The following AK9 variants were observed in gnomAD, a reference collection of about 807,000 sequenced individuals.
AK9 encodes adenylate kinase domain containing 1.
A neutral mutation model predicts 239.6 loss-of-function variants in AK9; 191 were observed. The ratio of observed to expected loss-of-function variants is 0.80; its 90% CI spans 0.71 to 0.90. AK9 has a LOEUF of 0.90. Among genes scored for constraint, AK9 ranks in the 40% least tolerant of loss-of-function variants. The pLI is 0.00. For synonymous variants in AK9, 689 were observed against 721.0 expected (o/e 0.96, Z 0.71); for missense variants, 1,995 against 2,214.7 (o/e 0.90, Z 1.99).
chr6:109,548,469 G>A (rs1783892635), intron 25 of AK9, among the ~76,000 whole-genome samples: 2 of 152,160 alleles, frequency 1.3e-5, no homozygotes, highest in Admixed American at 6.5e-5. Context: ...ATGCCCCAAA[G>A]AGATCAGCAG....
chr6:109,642,355 A>G (rs996306696), intron 9 of AK9, among the ~76,000 whole-genome samples: 15 of 152,234 alleles, frequency 9.9e-5, no homozygotes, highest in Non-Finnish European at 1.8e-4. Flanking sequence ...ATAGTGAGAT[A>G]GCCAAAATCC....
chr6:109,563,998 T>C, intron 23 of AK9, 82 bp downstream of exon 23: 2 of 1,330,876 alleles, frequency 1.5e-6, no homozygotes, highest in Non-Finnish European at 2.0e-6. Context: ...TCATAAACCA[T>C]CAAAGAAGGC....
At chr6:109,512,940 T>C (rs951354464) in intron 32 of AK9, among the ~76,000 whole-genome samples, 2 of 152,252 alleles carry the variant, frequency 1.3e-5, no homozygotes, top group African/African-American at 4.8e-5. Context: ...CATGGCTCAC[T>C]GTAGCCTCAA....
intron 29 of AK9, among the ~76,000 whole-genome samples, chr6:109,523,476 C>T (rs922209490): frequency 6.6e-6 from 1 of 152,170 alleles, no homozygotes; most frequent in Non-Finnish European, 1.5e-5. Context: ...ACACTCCTCT[C>T]TCTCTATTAT....
At chr6:109,689,427 T>A (rs1167117069) in intron 1 of AK9, among the ~76,000 whole-genome samples, 1 of 152,238 alleles carries the variant, frequency 6.6e-6, no homozygotes, top group Non-Finnish European at 1.5e-5. Context: ...AAGGGCTTTC[T>A]CTGGCTGCCA....
At chr6:109,555,919 T>G (rs1311213341) in intron 24 of AK9, among the ~76,000 whole-genome samples, 1 of 152,116 alleles carries the variant, frequency 6.6e-6, no homozygotes, top group Non-Finnish European at 1.5e-5. Flanking sequence ...GTGAGATGAG[T>G]CTCTTGAAGA....
At chr6:109,682,034 G>A (rs1050117912) in intron 1 of AK9, among the ~76,000 whole-genome samples, 4 of 152,126 alleles carry the variant, frequency 2.6e-5, no homozygotes, top group Non-Finnish European at 5.9e-5. Flanking sequence ...AAGAACTAGA[G>A]AAGCAACAGT....
At chr6:109,645,624 G>C (rs1365270557) in intron 8 of AK9, among the ~76,000 whole-genome samples, 1 of 152,176 alleles carries the variant, frequency 6.6e-6, no homozygotes, top group East Asian at 1.9e-4. Context: ...CCACCTCTGG[G>C]GGCAGGGCAT....
At chr6:109,663,074 CAT>C (rs1407811728) in intron 5 of AK9, among the ~76,000 whole-genome samples, 2 of 151,928 alleles carry the variant, frequency 1.3e-5, no homozygotes, top group African/African-American at 2.4e-5. Context: ...TATAGTAGAA[CAT>C]GTGTGTATAA....
At chr6:109,671,202 A>T (rs1260983165) in intron 5 of AK9, among the ~76,000 whole-genome samples, 2 of 152,182 alleles carry the variant, frequency 1.3e-5, no homozygotes, top group Non-Finnish European at 2.9e-5. Flanking sequence ...TAATAGTTAC[A>T]ATGTCTTCTT....
At chr6:109,678,079 G>A (rs1267442043) in intron 1 of AK9, among the ~76,000 whole-genome samples, 1 of 152,008 alleles carries the variant, frequency 6.6e-6, no homozygotes, top group Non-Finnish European at 1.5e-5. Flanking sequence ...TCAAAGAAAA[G>A]GAAATTAATG....
rs76535272 is a variant in AK9, at chr6:109,609,150, T to G, written c.1842+1215A>C. On this transcript the variant is annotated intron_variant, in intron 17 of 40. Coordinates refer to ENST00000424296, the MANE Select transcript of AK9 (RefSeq NM_001145128.3). ...ATATTCCTATATCAGAAGTGTAGGA[T>G]TCCTTGTAGATTTATATGCTCCAGA... Among the ~76,000 whole-genome samples, 112 of 152,316 alleles carry G rather than the reference T, an allele frequency of 7.4e-4. 1 individual carries two copies. The East Asian group carries it at 0.02, about 27-fold the overall frequency.
At chr6:109,592,691 C>T (rs1161539558) in intron 17 of AK9, among the ~76,000 whole-genome samples, 1 of 152,038 alleles carries the variant, frequency 6.6e-6, no homozygotes, top group Non-Finnish European at 1.5e-5. Context: ...CATGATCCGC[C>T]CGCCTCGGCC....
At chr6:109,600,528 T>C (rs1335808249) in intron 17 of AK9, among the ~76,000 whole-genome samples, 1 of 152,126 alleles carries the variant, frequency 6.6e-6, no homozygotes, top group African/African-American at 2.4e-5. Context: ...GGGATATTGG[T>C]CTACAATTCT....
chr6:109,543,585 T>A (rs761699729), intron 26 of AK9, among the ~76,000 whole-genome samples: 1 of 151,914 alleles, frequency 6.6e-6, no homozygotes, highest in African/African-American at 2.4e-5. Flanking sequence ...GTAGCTGGCA[T>A]TACAGGCATG....
intron 1 of AK9, among the ~76,000 whole-genome samples, chr6:109,683,525 T>C (rs1385441602): frequency 1.3e-5 from 2 of 152,158 alleles, no homozygotes; most frequent in Admixed American, 1.3e-4. Flanking sequence ...AAAATCTCCT[T>C]AAGCTGATAA....
At chr6:109,657,029 T>G (rs1799784629) in intron 7 of AK9, 145 bp from the exon 8 acceptor site, 1 of 924,256 alleles carries the variant, frequency 1.1e-6, no homozygotes. Context: ...GATTTTTATT[T>G]AAGAGAATGG....
intron 24 of AK9, among the ~76,000 whole-genome samples, chr6:109,555,700 G>C (rs1186854593): frequency 1.3e-5 from 2 of 152,138 alleles, no homozygotes; most frequent in African/African-American, 4.8e-5. Flanking sequence ...CTTGTATTGG[G>C]TGCATATATG....
In AK9 at chr6:109,610,366, T is replaced by C; in HGVS notation, c.1841A>G (p.Glu614Gly). ...HAEILQEVLG[E>G]VMEENKDRFP... ...GAATTGCCCAGCTAGATTTTTTACC[T>C]CTCCAAGGACTTCCTGTAAGATTTC... The change falls in exon 17 of 41, where the codon GAG becomes GGG. Residue 614 changes from glutamate (E) to glycine (G), a missense_variant and splice_region_variant. By Grantham distance (98) the Glu-to-Gly change is moderately conservative. Coordinates refer to ENST00000424296, the MANE Select transcript of AK9 (RefSeq NM_001145128.3). 5.2e-6 allele frequency: 8 copies of C among 1,551,238 alleles called. No individual in the cohort carries two copies. The highest frequency in any genetic ancestry group is 5.2e-6 in the Non-Finnish European group (6 of 1,146,756).
Sources: allele counts gnomAD v4.1 joint callset (sites outside exome capture counted in the v4.1 genomes callset), GRCh38; gene constraint gnomAD v4.1.1; transcripts MANE v1.5; gene names NCBI Gene and HGNC (gene_info 2026-07-23, HGNC 2026-07-21).